SYNRG: variants seen among roughly 807,000 people sequenced by gnomAD.
SYNRG encodes synergin gamma, also known as AP1 gamma subunit binding protein 1.
Under a neutral mutation model 130.9 loss-of-function variants are expected in SYNRG, and 37 were observed. That is an observed-to-expected ratio of 0.28 (90% confidence interval 0.22 to 0.37). The LOEUF is 0.37. Among genes scored for constraint, SYNRG ranks in the 10% least tolerant of loss-of-function variants. SYNRG has a pLI of 1.00. For missense variants in SYNRG, 1,338 were observed against 1,588.9 expected (o/e 0.84, Z 2.68); for synonymous variants, 539 against 568.1 (o/e 0.95, Z 0.73).
chr17:37,570,759 G>A lies in SYNRG; in HGVS notation c.1225C>T (p.Pro409Ser). The A allele has an allele frequency of 6.2e-7, 1 of 1,614,226 alleles. No individual in the cohort carries two copies. The highest frequency in any genetic ancestry group is 2.2e-5 in the East Asian group (1 of 44,890). The change falls in exon 10 of 22, where the codon CCT (proline) becomes TCT (serine). Residue 409 changes from proline (P) to serine (S), a missense_variant. This residue lies in a region of SYNRG where 1,146 missense variants were observed against 1,342.3 expected (regional missense o/e 0.85). Transcript: ENST00000612223. ...VSQPTVIPSG[P>S]AGSMPLSLGQ... The stretch of plus-strand genomic sequence containing the variant: ...AGGCTGAGGGGCATGGAGCCCGCAG[G>A]ACCTGAAGGTATCACAGTTGGCTGA...
At chr17:37,584,822 C>T in intron 5 of SYNRG, 63 bp from the exon 6 acceptor site, 1 of 1,241,314 alleles carries the variant, frequency 8.1e-7, no homozygotes, top group Non-Finnish European at 1.1e-6. Context: ...TAAACCCTCC[C>T]AAATTAAGAA....
At chr17:37,579,629 T>C (rs2061129014) in intron 6 of SYNRG, among the ~76,000 whole-genome samples, 1 of 152,210 alleles carries the variant, frequency 6.6e-6, no homozygotes, top group Non-Finnish European at 1.5e-5. Flanking sequence ...TATACACAAT[T>C]TTATGTCTTT....
At chr17:37,559,858 C>T (rs965183506) in intron 13 of SYNRG, among the ~76,000 whole-genome samples, 1 of 152,052 alleles carries the variant, frequency 6.6e-6, no homozygotes, top group Non-Finnish European at 1.5e-5. Context: ...GCAAGCTTCC[C>T]GTGAAAGGGA....
intron 19 of SYNRG, among the ~76,000 whole-genome samples, chr17:37,526,476 A>C (rs1407711987): frequency 6.6e-6 from 1 of 152,216 alleles, no homozygotes; most frequent in Non-Finnish European, 1.5e-5. Flanking sequence ...TGTCTTGTAT[A>C]ATCTTTCCTA....
At chr17:37,571,648 C>T in intron 9 of SYNRG, 143 bp downstream of exon 9, 1 of 728,246 alleles carries the variant, frequency 1.4e-6, no homozygotes, top group Non-Finnish European at 2.1e-6. Flanking sequence ...ATCTTATAAA[C>T]TCTACATTTT....
chr17:37,562,312 T>C (rs2059593992), intron 11 of SYNRG, among the ~76,000 whole-genome samples: 1 of 152,246 alleles, frequency 6.6e-6, no homozygotes, highest in South Asian at 2.1e-4. Flanking sequence ...TCGTGCTGGA[T>C]GGAAAAATAG....
intron 3 of SYNRG, among the ~76,000 whole-genome samples, chr17:37,594,451 CCTTT>C (rs2062562058): frequency 1.3e-5 from 2 of 148,378 alleles, no homozygotes; most frequent in Admixed American, 1.3e-4. Flanking sequence ...TTATTTGCTG[CCTTT>C]CTTCTTCTTT....
intron 19 of SYNRG, chr17:37,529,786 T>G (rs776534496): frequency 5.0e-5 from 78 of 1,551,386 alleles, no homozygotes; most frequent in Admixed American, 7.8e-5. Flanking sequence ...GTGATACCTT[T>G]TCTTCTAAGA....
At chr17:37,576,653 T>C (rs1300249080) in intron 7 of SYNRG, among the ~76,000 whole-genome samples, 1 of 152,170 alleles carries the variant, frequency 6.6e-6, no homozygotes, top group Non-Finnish European at 1.5e-5. Flanking sequence ...CTAAAATGTA[T>C]CAAATCAATA....
Position 37,515,239 on chromosome 17 carries a change from G to C in SYNRG, c.*3701C>G, listed in dbSNP as rs764196501. On this transcript the variant is annotated 3_prime_UTR_variant, in exon 22 of 22. Coordinates refer to ENST00000612223, the MANE Select transcript of SYNRG (RefSeq NM_007247.6). The stretch of plus-strand genomic sequence containing the variant: ...TTATTTCCTCGGCCTGGCAAGGGGA[G>C]GGCTTTTCAGTATTGTTATTTGGTA... The C allele has an allele frequency of 2.0e-5, 3 of 152,162 alleles. No individual in the cohort carries two copies. Among genetic ancestry groups the C allele is most frequent in the Non-Finnish European group, 4.4e-5 (3 of 68,028 alleles). The allele number at this position is 152,162 out of a possible 1,614,324, so 9.4% of individuals were successfully genotyped here.
chr17:37,570,533 G>T, intron 10 of SYNRG, 104 bp downstream of exon 10: 1 of 1,389,526 alleles, frequency 7.2e-7, no homozygotes. Context: ...GAATTTAAAT[G>T]TGCTCACCAT....
intron 6 of SYNRG, chr17:37,579,352 C>A (rs1207725138): frequency 1.5e-6 from 2 of 1,304,240 alleles, no homozygotes; most frequent in African/African-American, 1.5e-5. Flanking sequence ...CAGGCCCCTG[C>A]ATAAAGTCAC....
intron 19 of SYNRG, chr17:37,529,834 C>T: frequency 6.4e-7 from 1 of 1,551,532 alleles, no homozygotes; most frequent in Non-Finnish European, 8.7e-7. Flanking sequence ...TAATCACAGT[C>T]ATCTTTTCCC....
intron 1 of SYNRG, among the ~76,000 whole-genome samples, chr17:37,607,968 A>C (rs963115540): frequency 6.7e-6 from 1 of 148,262 alleles, no homozygotes; most frequent in Non-Finnish European, 1.5e-5. Context: ...AAAAAAAAAA[A>C]AAAAAAAAAA....
At chr17:37,559,281 T>C (rs2059348567) in intron 13 of SYNRG, among the ~76,000 whole-genome samples, 1 of 152,176 alleles carries the variant, frequency 6.6e-6, no homozygotes, top group South Asian at 2.1e-4. Context: ...ATCAAGTCAT[T>C]TTTAATAATG....
chr17:37,542,145 C>T lies in SYNRG; in HGVS notation c.3029G>A (p.Ser1010Asn). The change falls in exon 15 of 22, where the codon AGT becomes AAT. Residue 1010 changes from serine to asparagine, a missense_variant. By Grantham distance (46) the Ser-to-Asn change is conservative (BLOSUM62 1). Transcript: ENST00000612223. ...GTTCGGGGTTTCTTGAGAGGCACCA[C>T]TGGACGCTGGGCTGGGACACGTGGC... ...QEATCPSPAS[S>N]GASQETPNEC... The T allele has an allele frequency of 1.9e-6, 3 of 1,614,238 alleles. No homozygotes were observed. Among genetic ancestry groups the T allele is most frequent in the South Asian group, 1.1e-5 (1 of 91,092 alleles).
In SYNRG at chr17:37,564,137, G is replaced by A. The variant is rs1468759583; in HGVS notation, c.1482-2548C>T. ...GCTGGGATTACAGGTGTGAGCCACT[G>A]TGCCTGGCCAACCCTGGCCCCCTTG... is the stretch of plus-strand genomic sequence containing the variant. On this transcript the variant is annotated intron_variant, in intron 11 of 21. Transcript: ENST00000612223. Among the ~76,000 whole-genome samples, 6 of 152,176 alleles carry A rather than the reference G, an allele frequency of 3.9e-5. No individual in the cohort carries two copies. In the East Asian group the frequency reaches 7.7e-4, roughly 20 times the overall value.
intron 19 of SYNRG, chr17:37,529,817 T>G (rs1423672900): frequency 2.6e-6 from 4 of 1,551,442 alleles, no homozygotes; most frequent in Non-Finnish European, 3.5e-6. Flanking sequence ...AGGAGAGAGA[T>G]GCTTTGTAAT....
intron 3 of SYNRG, among the ~76,000 whole-genome samples, chr17:37,595,155 G>A (rs1291519750): frequency 2.6e-5 from 4 of 152,146 alleles, no homozygotes; most frequent in Non-Finnish European, 5.9e-5. Flanking sequence ...CTTCCTTCTA[G>A]AGACAGATAA....
Sources: gnomAD v4.1 joint callset for allele counts (sites outside exome capture counted in the v4.1 genomes callset) on GRCh38, gnomAD v4.1.1 for gene constraint, gnomAD v4.1.1 regional missense constraint, MANE v1.5 for transcripts, NCBI Gene and HGNC (gene_info 2026-07-23, HGNC 2026-07-21) for gene names.